The following SESN1 variants were observed in gnomAD, a reference collection of about 807,000 sequenced individuals.
The protein encoded by SESN1 is sestrin 1.
A neutral mutation model predicts 59.3 loss-of-function variants in SESN1; 30 were observed. The ratio of observed to expected loss-of-function variants is 0.51; its 90% confidence interval spans 0.38 to 0.69. The LOEUF (loss-of-function observed/expected upper bound fraction) is 0.69, where lower values mean the gene tolerates loss of function less well. SESN1 is among the 30% of genes least tolerant of loss of function. The pLI is 0.00. For missense variants in SESN1, 566 were observed against 673.0 expected (o/e 0.84, Z 1.76); for synonymous variants, 197 against 219.9 (o/e 0.90, Z 0.92).
intron 1 of SESN1, among the ~76,000 whole-genome samples, chr6:109,064,687 G>GGA (rs138391680): frequency 6.0e-5 from 5 of 83,350 alleles, no homozygotes; most frequent in East Asian, 8.3e-4. Context: ...AGAGTGGGTG[G>GGA]GAGAGAGAGA....
chr6:109,002,470 G>T, intron 1 of SESN1, 127 bp from the exon 2 acceptor site: 1 of 689,280 alleles, frequency 1.5e-6, no homozygotes. Context: ...TGTTTTCATG[G>T]CTGTATATAC....
chr6:109,030,282 T>C (rs1428802518), intron 1 of SESN1, among the ~76,000 whole-genome samples: 4 of 152,198 alleles, frequency 2.6e-5, no homozygotes, highest in African/African-American at 9.6e-5. Flanking sequence ...ATAAAAAGAA[T>C]GGATCTAGAA....
At chr6:109,056,512 T>C (rs930508277) in intron 1 of SESN1, among the ~76,000 whole-genome samples, 4 of 152,208 alleles carry the variant, frequency 2.6e-5, no homozygotes, top group Non-Finnish European at 5.9e-5. Flanking sequence ...AAGTAGTCAC[T>C]GTCATCAAAT....
At chr6:109,089,059 AT>A (rs573316211) in intron 1 of SESN1, among the ~76,000 whole-genome samples, 2,379 of 143,990 alleles carry the variant, frequency 0.017, 31 homozygotes, top group Admixed American at 0.038. Flanking sequence ...CAATGTGTCC[AT>A]TTTTTTTTTT....
chr6:108,989,584 TAGAG>T (rs557251364), intron 8 of SESN1, among the ~76,000 whole-genome samples: 235 of 140,516 alleles, frequency 1.7e-3, no homozygotes, highest in African/African-American at 5.1e-3. Flanking sequence ...TATCTATATA[TAGAG>T]AGAGATAGAG....
rs75020781 is a variant in SESN1 at position 108,991,066 on chromosome 6, C to CAAA, written c.1234-234_1234-232dup. Among the ~76,000 whole-genome samples the CAAA allele has an allele frequency of 8.1e-3, 1,142 of 141,556 alleles. 13 individuals are homozygous for CAAA. Among genetic ancestry groups the CAAA allele is most frequent in the African/African-American group, 0.029 (1,077 of 37,068 alleles). The allele number at this position is 141,556 out of a possible 152,430, so 92.9% of individuals were successfully genotyped here. On this transcript the variant is annotated intron_variant, in intron 7 of 9. Transcript: ENST00000436639. The stretch of plus-strand genomic sequence containing the variant: ...AGTTTAAAAACTAATAGTCTCATCT[C>CAAA]AAAAAAAAACAACAACAAAAAAAAA...
intron 1 of SESN1, among the ~76,000 whole-genome samples, chr6:109,003,159 A>AC: frequency 6.6e-6 from 1 of 152,070 alleles, no homozygotes. Context: ...CTAAAATAAT[A>AC]TATTTCAACT....
At chr6:109,007,235 A>G (rs1188588615) in intron 1 of SESN1, among the ~76,000 whole-genome samples, 1 of 152,220 alleles carries the variant, frequency 6.6e-6, no homozygotes, top group African/African-American at 2.4e-5. Context: ...CTATGTTTTT[A>G]TTGTATCACT....
At position 108,984,424 on chromosome 6, in the gene SESN1, T is replaced by C. The variant is rs781762356; in HGVS notation, c.*3120A>G. Among the ~76,000 whole-genome samples the C allele has an allele frequency of 1.3e-5, 2 of 152,158 alleles. No homozygotes were observed. The highest frequency in any genetic ancestry group is 2.4e-5 in the African/African-American group (1 of 41,456). On this transcript the variant is annotated 3_prime_UTR_variant, in exon 10 of 10. Transcript: ENST00000436639. ...CCTCACAGATGGCACACTCTAGCTG[T>C]GTCCTTTCATGGTAGAAGGGGAGCT... is the stretch of plus-strand genomic sequence containing the variant.
At chr6:109,066,468 G>A (rs1165455467) in intron 1 of SESN1, among the ~76,000 whole-genome samples, 1 of 151,890 alleles carries the variant, frequency 6.6e-6, no homozygotes, top group African/African-American at 2.4e-5. Context: ...AAGTAGGTGG[G>A]AATTATATGT....
intron 5 of SESN1, 87 bp from the exon 6 acceptor site, chr6:108,994,696 A>AAC: frequency 6.4e-6 from 4 of 628,514 alleles, no homozygotes; most frequent in Non-Finnish European, 9.1e-6. Context: ...AAGAATTTAT[A>AAC]TCTTTTTTTT....
intron 1 of SESN1, among the ~76,000 whole-genome samples, chr6:109,080,057 C>T (rs1408833993): frequency 6.6e-6 from 1 of 152,182 alleles, no homozygotes; most frequent in Non-Finnish European, 1.5e-5. Flanking sequence ...ACTCAACACT[C>T]CTACACTATT....
chr6:109,021,704 T>C (rs1008140487), intron 1 of SESN1, among the ~76,000 whole-genome samples: 2 of 152,020 alleles, frequency 1.3e-5, no homozygotes, highest in Admixed American at 1.3e-4. Flanking sequence ...GGCCTCCTAC[T>C]GGGATTATAG....
At chr6:109,017,057 C>T (rs551082307) in intron 1 of SESN1, among the ~76,000 whole-genome samples, 1 of 151,932 alleles carries the variant, frequency 6.6e-6, no homozygotes, top group South Asian at 2.1e-4. Flanking sequence ...CAGTTATAGA[C>T]CAGACCCAGG....
chr6:108,997,197 T>TC (rs1779518159), intron 5 of SESN1, among the ~76,000 whole-genome samples: 1 of 152,214 alleles, frequency 6.6e-6, no homozygotes, highest in Non-Finnish European at 1.5e-5. Flanking sequence ...AATAGGAAGC[T>TC]TATTAGAGAA....
In SESN1 at chr6:109,000,585, C is replaced by T. The variant is rs1779597143; in HGVS notation, c.635G>A (p.Gly212Asp). ...HVGGDPKWLNGLENAPQKLQN... is the reference protein window; with the variant it reads ...HVGGDPKWLNDLENAPQKLQN... ...TAGTTTTTGAGGAGCATTCTCTAAA[C>T]CATTGAGCCACTTGGGGTCCCCACC... The change falls in exon 4 of 10, where the codon GGT becomes GAT. Residue 212 changes from glycine to aspartate, a missense_variant. Gly to Asp is a moderately conservative substitution (Grantham distance 94). Coordinates refer to ENST00000436639, the MANE Select transcript of SESN1 (RefSeq NM_014454.3). The T allele has an allele frequency of 6.2e-7, 1 of 1,612,542 alleles. No individual in the cohort carries two copies. Among genetic ancestry groups the T allele is most frequent in the Non-Finnish European group, 8.5e-7 (1 of 1,179,128 alleles).
In SESN1 at chr6:109,055,520, G is replaced by A. The variant is rs140474026; in HGVS notation, c.279+38275C>T. Among the ~76,000 whole-genome samples, 1,079 of 151,824 alleles carry A rather than the reference G, an allele frequency of 7.1e-3. 11 individuals carry two copies. The highest frequency in any genetic ancestry group is 0.024 in the African/African-American group (1,007 of 41,392). The stretch of plus-strand genomic sequence containing the variant: ...TACTAAAAATACCAAAAAATTAGCC[G>A]GGTGTGGTGGCAGGCACCTGTAATC... On this transcript the variant is annotated intron_variant, in intron 1 of 9. Transcript: ENST00000436639.
chr6:109,045,103 G>A lies in SESN1; in HGVS notation c.280-42760C>T, dbSNP rs117786918. Reference sequence around the variant, plus strand: ...CACCTCTTATATTCCCTATCTCCACGAAGGCCTTCATTATACCTCCAGTTG... The same window carrying A: ...CACCTCTTATATTCCCTATCTCCACAAAGGCCTTCATTATACCTCCAGTTG... On this transcript the variant is annotated intron_variant, in intron 1 of 9. Coordinates refer to ENST00000436639, the MANE Select transcript of SESN1 (RefSeq NM_014454.3). Among the ~76,000 whole-genome samples the A allele has an allele frequency of 2.0e-3, 303 of 151,698 alleles. 6 individuals are homozygous for A. The East Asian group carries it at 0.052, about 26-fold the overall frequency.
intron 1 of SESN1, among the ~76,000 whole-genome samples, chr6:109,079,338 G>A (rs1273184481): frequency 6.6e-6 from 1 of 152,092 alleles, no homozygotes; most frequent in East Asian, 1.9e-4. Flanking sequence ...GAAAAAAGCA[G>A]GTGTCACTAA....
Sources: gnomAD v4.1 joint callset for allele counts (sites outside exome capture counted in the v4.1 genomes callset) on GRCh38, gnomAD v4.1.1 for gene constraint, MANE v1.5 for transcripts, NCBI Gene and HGNC (gene_info 2026-07-23, HGNC 2026-07-21) for gene names.